Variants in RPRD1A observed in about 807,000 individuals in gnomAD.
RPRD1A encodes regulation of nuclear pre-mRNA domain containing 1A, also known as regulation of nuclear pre-mRNA domain-containing protein 1A.
A neutral mutation model predicts 37.8 loss-of-function variants in RPRD1A; 9 were observed. That is an observed-to-expected ratio of 0.24 (90% CI 0.14 to 0.42). The LOEUF (loss-of-function observed/expected upper bound fraction) is 0.42, where lower values mean the gene tolerates loss of function less well. RPRD1A is among the 10% of genes least tolerant of loss of function. The probability of loss-of-function intolerance (pLI) is 1.00; values close to 1 mark genes in which losing one functional copy is unlikely to be tolerated. For missense variants in RPRD1A, 255 were observed against 371.0 expected (o/e 0.69, Z 2.57); for synonymous variants, 138 against 139.7 (o/e 0.99, Z 0.08).
chr18:36,031,036 AC>A lies in RPRD1A; in HGVS notation c.342del (p.Arg114SerfsTer9). 6.3e-7 allele frequency: 1 copy of A among 1,598,702 alleles called. No individual in the cohort carries two copies. Among genetic ancestry groups the A allele is most frequent in the Non-Finnish European group, 8.5e-7 (1 of 1,176,218 alleles). On this transcript the variant is annotated frameshift_variant, in exon 3 of 7. Coordinates refer to ENST00000399022, the MANE Select transcript of RPRD1A (RefSeq NM_018170.5). LOFTEE classifies it high-confidence loss of function. ...LGRVLSIWEERSVYENDVLEQ... is the reference protein window; with the variant it reads ...LGRVLSIWEEXSVYENDVLEQ... ...TCTAATACATCATTTTCATAAACAG[AC>A]CTTTCTTCCCAAATAGATAACACTC...
chr18:36,027,413 A>G, intron 4 of RPRD1A, 103 bp from the exon 5 acceptor site: 1 of 1,235,204 alleles, frequency 8.1e-7, no homozygotes, highest in Non-Finnish European at 1.2e-6. Context: ...TTACTAGTAC[A>G]AAGCTCCTAA....
Position 36,008,569 on chromosome 18 carries a change from TTGTG to T in RPRD1A, c.790-15273_790-15270del, listed in dbSNP as rs138413588. Among the ~76,000 whole-genome samples the T allele has an allele frequency of 7.7e-4, 43 of 56,030 alleles. 1 individual carries two copies. Among genetic ancestry groups the T allele is most frequent in the African/African-American group, 4.2e-3 (29 of 6,866 alleles). 36.8% of individuals were successfully genotyped at this position (56,030 alleles called of 152,430 possible). A position where few individuals can be genotyped will look rare whatever the true frequency, so the allele number is the denominator to read the frequency against. On this transcript the variant is annotated intron_variant, in intron 6 of 6. Coordinates refer to ENST00000399022, the MANE Select transcript of RPRD1A (RefSeq NM_018170.5). ...CTAGCCTGGGCGACACAGCAAGACC[TTGTG>T]TGTGTATATATATATATCTTTAAAA...
chr18:36,035,338 T>C (rs1026483844), intron 1 of RPRD1A, among the ~76,000 whole-genome samples: 3 of 152,246 alleles, frequency 2.0e-5, no homozygotes, highest in East Asian at 3.8e-4. Flanking sequence ...GCACTTTTAC[T>C]ATGTGCTACA....
intron 2 of RPRD1A, among the ~76,000 whole-genome samples, chr18:36,032,911 C>CA (rs1013624677): frequency 2.5e-4 from 38 of 150,186 alleles, no homozygotes; most frequent in South Asian, 8.4e-4. Flanking sequence ...AGGTTTGGAA[C>CA]AAAAAAAAAT....
At chr18:36,050,862 T>G (rs1044151242) in intron 1 of RPRD1A, among the ~76,000 whole-genome samples, 1 of 150,730 alleles carries the variant, frequency 6.6e-6, no homozygotes, top group Non-Finnish European at 1.5e-5. Context: ...TCTTTTCTTT[T>G]CTTTTCTTTT....
chr18:36,054,363 G>T (rs1171136186), intron 1 of RPRD1A, among the ~76,000 whole-genome samples: 1 of 151,988 alleles, frequency 6.6e-6, no homozygotes, highest in Admixed American at 6.6e-5. Context: ...TGTGGTGGCG[G>T]GCGCCTGTAA....
chr18:36,042,882 A>G (rs990825115), intron 1 of RPRD1A, among the ~76,000 whole-genome samples: 3 of 152,216 alleles, frequency 2.0e-5, no homozygotes, highest in Non-Finnish European at 2.9e-5. Context: ...CGACTTGGCA[A>G]TATCTATCAG....
chr18:36,064,390 T>G (rs1598680468), intron 1 of RPRD1A: 1 of 152,438 alleles, frequency 6.6e-6, no homozygotes, highest in South Asian at 2.1e-4. Flanking sequence ...CATTGAGAGG[T>G]GAAGCCAGCT....
chr18:36,030,708 A>G (rs1375286621), intron 4 of RPRD1A, 100 bp downstream of exon 4: 11 of 696,188 alleles, frequency 1.6e-5, no homozygotes, highest in Middle Eastern at 2.7e-4. Context: ...ACCTAAAAGT[A>G]TAATAGAAAT....
intron 1 of RPRD1A, among the ~76,000 whole-genome samples, chr18:36,046,525 G>GATTTA (rs1275380423): frequency 1.3e-5 from 2 of 151,990 alleles, no homozygotes; most frequent in Non-Finnish European, 2.9e-5. Flanking sequence ...ACCCAGTTAA[G>GATTTA]ATTAAGTAAA....
chr18:35,995,404 T>A (rs1445003749), intron 6 of RPRD1A, among the ~76,000 whole-genome samples: 2 of 151,922 alleles, frequency 1.3e-5, no homozygotes, highest in Non-Finnish European at 1.5e-5. Context: ...TAGCTGGGAT[T>A]ACAGGCATGT....
intron 1 of RPRD1A, among the ~76,000 whole-genome samples, chr18:36,036,240 T>C (rs1318993957): frequency 6.6e-6 from 1 of 152,052 alleles, no homozygotes. Context: ...GCCTGGCTAA[T>C]TTTTTAAATT....
rs530577364 is a variant in RPRD1A at position 35,990,574 on chromosome 18, T to C, written c.*2577A>G. 1 of 152,294 alleles carries C rather than the reference T, an allele frequency of 6.6e-6. No homozygotes were observed. The highest frequency in any genetic ancestry group is 1.5e-5 in the Non-Finnish European group (1 of 68,032). 9.4% of individuals were successfully genotyped at this position (152,294 alleles called of 1,614,324 possible). On this transcript the variant is annotated 3_prime_UTR_variant, in exon 7 of 7. Coordinates refer to ENST00000399022, the MANE Select transcript of RPRD1A (RefSeq NM_018170.5). The stretch of plus-strand genomic sequence containing the variant: ...AGCGCCCGAGAATCTGTTCAGATTG[T>C]GACTCCAGACAGCTCTCTGCACTGT...
intron 6 of RPRD1A, among the ~76,000 whole-genome samples, chr18:36,021,212 T>G (rs2144247924): frequency 6.6e-6 from 1 of 152,340 alleles, no homozygotes; most frequent in South Asian, 2.1e-4. Flanking sequence ...TGCTTCATTT[T>G]AATACACTTT....
At chr18:36,020,015 G>C (rs1910885147) in intron 6 of RPRD1A, among the ~76,000 whole-genome samples, 1 of 152,158 alleles carries the variant, frequency 6.6e-6, no homozygotes, top group South Asian at 2.1e-4. Flanking sequence ...AGTCCAGCCT[G>C]GGTGAGAGAG....
chr18:36,037,097 T>A (rs1789501), intron 1 of RPRD1A, among the ~76,000 whole-genome samples: 80,537 of 152,084 alleles, frequency 0.53, 23,376 homozygotes, highest in Middle Eastern at 0.68. Context: ...AGATGATAGG[T>A]CACATCACTA....
intron 1 of RPRD1A, among the ~76,000 whole-genome samples, chr18:36,060,262 C>A (rs2144416999): frequency 6.6e-6 from 1 of 152,120 alleles, no homozygotes; most frequent in Non-Finnish European, 1.5e-5. Context: ...AAACCCCCAT[C>A]TCTACTAAAA....
chr18:36,053,868 A>C (rs941941533), intron 1 of RPRD1A, among the ~76,000 whole-genome samples: 2 of 152,154 alleles, frequency 1.3e-5, no homozygotes, highest in African/African-American at 4.8e-5. Flanking sequence ...ACAACAACAA[A>C]AAAAGCTGAA....
chr18:36,019,336 T>C (rs975571770), intron 6 of RPRD1A, among the ~76,000 whole-genome samples: 3 of 151,996 alleles, frequency 2.0e-5, no homozygotes, highest in African/African-American at 7.3e-5. Flanking sequence ...CTCGATCTCC[T>C]GACCTCGTCA....
Sources: allele counts gnomAD v4.1 joint callset (sites outside exome capture counted in the v4.1 genomes callset), GRCh38; gene constraint gnomAD v4.1.1; transcripts MANE v1.5; gene names NCBI Gene and HGNC (gene_info 2026-07-23, HGNC 2026-07-21).